ITPA: variants seen among roughly 807,000 people sequenced by gnomAD.
The protein encoded by ITPA is inosine triphosphatase.
In ITPA, 29 loss-of-function variants were observed where a neutral mutation model predicts 29.6. That is an observed-to-expected ratio of 0.98 (90% CI 0.73 to 1.34). The LOEUF is 1.34. ITPA is among the 40% of genes most tolerant of loss of function. The probability of loss-of-function intolerance (pLI) is 0.00; values close to 1 mark genes in which losing one functional copy is unlikely to be tolerated. For missense variants in ITPA, 241 were observed against 251.5 expected (o/e 0.96, Z 0.28); for synonymous variants, 103 against 99.3 (o/e 1.04, Z -0.22).
chr20:3,204,740 G>T, upstream of ITPA: 1 of 1,033,668 alleles, frequency 9.7e-7, no homozygotes, highest in Non-Finnish European at 1.4e-6. Flanking sequence ...CCGCCCAGCG[G>T]CACATCACAG....
chr20:3,220,285 C>T (rs188584102), intron 6 of ITPA, among the ~76,000 whole-genome samples: 35 of 151,832 alleles, frequency 2.3e-4, no homozygotes, highest in Admixed American at 1.6e-3. Flanking sequence ...CTTGAACTCC[C>T]GACCTTAAGT....
downstream of ITPA, among the ~76,000 whole-genome samples, chr20:3,224,787 G>T (rs2067539114): frequency 1.3e-5 from 2 of 152,208 alleles, no homozygotes; most frequent in Admixed American, 1.3e-4. Context: ...GGTGGGGTGG[G>T]TACATAGGCT....
At chr20:3,205,489 C>T (rs1280737818), upstream of ITPA, among the ~76,000 whole-genome samples, 1 of 151,950 alleles carries the variant, frequency 6.6e-6, no homozygotes, top group Non-Finnish European at 1.5e-5. Flanking sequence ...TAGAGGTGAG[C>T]CTAGGAGTTC....
At chr20:3,225,657 G>A (rs1299478776), downstream of ITPA, among the ~76,000 whole-genome samples, 2 of 152,158 alleles carry the variant, frequency 1.3e-5, no homozygotes, top group Non-Finnish European at 2.9e-5. Context: ...AGTAGGGTGG[G>A]GCTGAGGCCC....
intron 6 of ITPA, among the ~76,000 whole-genome samples, chr20:3,220,724 A>C (rs2067442138): frequency 6.6e-6 from 1 of 151,414 alleles, no homozygotes. Flanking sequence ...AATTAAAAAA[A>C]AAAAAAAAAT....
At chr20:3,213,951 A>C (rs1229627901) in intron 3 of ITPA, 34 bp from the exon 4 acceptor site, 1 of 1,611,608 alleles carries the variant, frequency 6.2e-7, no homozygotes, top group South Asian at 1.1e-5. Context: ...GATGGTGATC[A>C]TGGGTCTCAG....
At chr20:3,215,947 G>C (rs1055077841) in intron 5 of ITPA, among the ~76,000 whole-genome samples, 2 of 151,906 alleles carry the variant, frequency 1.3e-5, no homozygotes, top group African/African-American at 4.8e-5. Flanking sequence ...TGGCCTCCCA[G>C]AGTGCTGGGA....
intron 6 of ITPA, chr20:3,218,951 T>C (rs1231209526): frequency 4.7e-6 from 2 of 427,360 alleles, no homozygotes; most frequent in Non-Finnish European, 8.8e-6. Context: ...AACAGTTGGC[T>C]AACAGCTCCT....
rs184844982 is a variant in ITPA, at chr20:3,216,516, C to T, written c.295+1204C>T. Among the ~76,000 whole-genome samples, 553 of 133,808 alleles carry T rather than the reference C, an allele frequency of 4.1e-3. 3 individuals are homozygous for T. Among genetic ancestry groups the T allele is most frequent in the African/African-American group, 0.015 (520 of 35,372 alleles). The allele number at this position is 133,808 out of a possible 152,430, so 87.8% of individuals were successfully genotyped here. On this transcript the variant is annotated intron_variant, in intron 5 of 7. Transcript: ENST00000380113. Reference sequence around the variant, plus strand: ...TTGCCCAGGCTGGAGCGCAATGGCACGATCTCGGCTCACTACAACCTCCGC... The same window carrying T: ...TTGCCCAGGCTGGAGCGCAATGGCATGATCTCGGCTCACTACAACCTCCGC...
At chr20:3,218,389 C>A in intron 5 of ITPA, 128 bp from the exon 6 acceptor site, 2 of 735,300 alleles carry the variant, frequency 2.7e-6, no homozygotes, top group Non-Finnish European at 4.9e-6. Context: ...GCCGCCCCCG[C>A]TACCCCAATT....
chr20:3,205,643 G>A (rs1303145258), upstream of ITPA, among the ~76,000 whole-genome samples: 1 of 152,148 alleles, frequency 6.6e-6, no homozygotes, highest in Non-Finnish European at 1.5e-5. Flanking sequence ...CGAGGCTGCA[G>A]TGAGCCATGA....
upstream of ITPA, among the ~76,000 whole-genome samples, chr20:3,208,242 G>A (rs1382610017): frequency 1.3e-5 from 2 of 151,956 alleles, no homozygotes; most frequent in African/African-American, 4.8e-5. Context: ...AGGCTCCTCG[G>A]GGTAACTGAT....
chr20:3,210,926 C>T (rs1352303441), intron 1 of ITPA, among the ~76,000 whole-genome samples: 1 of 151,786 alleles, frequency 6.6e-6, no homozygotes, highest in East Asian at 2.0e-4. Context: ...TGACACGTGC[C>T]TGTAGTCCCA....
chr20:3,207,059 G>T (rs892054399), upstream of ITPA, among the ~76,000 whole-genome samples: 3 of 151,994 alleles, frequency 2.0e-5, no homozygotes, highest in African/African-American at 7.2e-5. Context: ...GTTATCTATG[G>T]ACTTGTAATT....
Position 3,223,504 on chromosome 20 carries a change from G to T in ITPA, c.*42G>T. ...AGGCCCCTCAGGCCGGGGATCTGGGGAGGGCTAGCCCAAAACCTCCCGCAT... is the reference window on the plus strand; with the variant it reads ...AGGCCCCTCAGGCCGGGGATCTGGGTAGGGCTAGCCCAAAACCTCCCGCAT... On this transcript the variant is annotated 3_prime_UTR_variant, in exon 8 of 8. Coordinates refer to ENST00000380113, the MANE Select transcript of ITPA (RefSeq NM_033453.4). The T allele has an allele frequency of 6.6e-7, 1 of 1,522,998 alleles. No homozygotes were observed. The allele number at this position is 1,522,998 out of a possible 1,614,324, so 94.3% of individuals were successfully genotyped here. A position where few individuals can be genotyped will look rare whatever the true frequency, so the allele number is the denominator to read the frequency against.
chr20:3,221,796 T>TCCTCTGGA (rs1456517052), intron 6 of ITPA, 45 bp from the exon 7 acceptor site: 1 of 1,576,940 alleles, frequency 6.3e-7, no homozygotes, highest in African/African-American at 1.3e-5. Flanking sequence ...CTCGTGCTTG[T>TCCTCTGGA]CCTCTGGACC....
chr20:3,225,030 C>T (rs1001139500), downstream of ITPA, among the ~76,000 whole-genome samples: 1 of 152,160 alleles, frequency 6.6e-6, no homozygotes, highest in East Asian at 1.9e-4. Flanking sequence ...CATGGCAAAA[C>T]CTTGTCTCTG....
chr20:3,214,729 A>G lies in ITPA; in HGVS notation c.264-552A>G, dbSNP rs561195358. Among the ~76,000 whole-genome samples, 773 of 151,606 alleles carry G rather than the reference A, an allele frequency of 5.1e-3. 7 individuals are homozygous for G. Among genetic ancestry groups the G allele is most frequent in the African/African-American group, 0.017 (721 of 41,312 alleles). On this transcript the variant is annotated intron_variant, in intron 4 of 7. Coordinates refer to ENST00000380113, the MANE Select transcript of ITPA (RefSeq NM_033453.4). ...CGAGTAGCTGGGACTACAGGCGCCCACCACCACACCTGGCTAATTTTTTGT... is the reference window on the plus strand; with the variant it reads ...CGAGTAGCTGGGACTACAGGCGCCCGCCACCACACCTGGCTAATTTTTTGT...
upstream of ITPA, among the ~76,000 whole-genome samples, chr20:3,207,513 G>A (rs1382825975): frequency 6.6e-6 from 1 of 152,068 alleles, no homozygotes; most frequent in African/African-American, 2.4e-5. Flanking sequence ...GGTCAATATG[G>A]TGAAACCCCA....
Sources: gnomAD v4.1 joint callset for allele counts (sites outside exome capture counted in the v4.1 genomes callset) on GRCh38, gnomAD v4.1.1 for gene constraint, MANE v1.5 for transcripts, NCBI Gene and HGNC (gene_info 2026-07-23, HGNC 2026-07-21) for gene names.